ERC2: variants seen among roughly 807,000 people sequenced by gnomAD.
ERC2 encodes the protein ERC protein 2.
A neutral mutation model predicts 114.8 loss-of-function variants in ERC2; 42 were observed. The ratio of observed to expected loss-of-function variants is 0.37; its 90% CI spans 0.29 to 0.47. The LOEUF is 0.47. Ranked by LOEUF, ERC2 falls within the 20% of genes least tolerant of loss-of-function variation. The pLI is 0.99. For synonymous variants in ERC2, 454 were observed against 425.5 expected, an observed-to-expected ratio of 1.07 and a Z score of -0.82; for missense variants, 939 against 1,150.7, an observed-to-expected ratio of 0.82 and a Z score of 2.66.
At chr3:56,241,790 A>T (rs9846926) in intron 3 of ERC2, among the ~76,000 whole-genome samples, 39 of 152,332 alleles carry the variant, frequency 2.6e-4, no homozygotes, top group African/African-American at 9.4e-4. Flanking sequence ...GCAAACACAT[A>T]TCCACATACA....
intron 17 of ERC2, among the ~76,000 whole-genome samples, chr3:55,635,922 AG>A (rs1375030023): frequency 1.3e-5 from 2 of 151,462 alleles, no homozygotes; most frequent in Non-Finnish European, 2.9e-5. Flanking sequence ...TCTGTCTCCT[AG>A]GCTGGAGTAC....
chr3:56,045,299 C>T (rs963457182), intron 7 of ERC2, among the ~76,000 whole-genome samples: 7 of 152,056 alleles, frequency 4.6e-5, no homozygotes, highest in Non-Finnish European at 8.8e-5. Context: ...TAAACAGAAC[C>T]GTAACACTTC....
chr3:55,786,632 A>G (rs1375891128), intron 14 of ERC2, among the ~76,000 whole-genome samples: 8 of 152,240 alleles, frequency 5.3e-5, no homozygotes, highest in Non-Finnish European at 1.2e-4. Context: ...CCCATTTAAC[A>G]GATGAATAAA....
intron 2 of ERC2, among the ~76,000 whole-genome samples, chr3:56,357,068 C>T (rs1464878189): frequency 3.3e-5 from 5 of 152,232 alleles, no homozygotes; most frequent in African/African-American, 1.2e-4. Context: ...ACATTCTCTA[C>T]TGCAACCTCT....
chr3:55,992,226 T>C lies in ERC2; in HGVS notation c.2086A>G (p.Arg696Gly), dbSNP rs374080648. The change falls in exon 11 of 18, where the codon AGG becomes GGG. Residue 696 changes from arginine (R) to glycine (G), a missense_variant. Physicochemically the swap from Arg to Gly is moderately radical, Grantham distance 125. Around this residue, in one of 5 missense-constraint regions of ERC2, gnomAD observed 328 missense variants for 353.9 expected, o/e 0.93. Transcript: ENST00000288221. The stretch of plus-strand genomic sequence containing the variant: ...TGGTCTGCAAACTCAGGGTTCATCC[T>C]GGAGTCATCTTCAATATTATGTGCC... ...KKAHNIEDDSRMNPEFADQIK... is the reference protein window; with the variant it reads ...KKAHNIEDDSGMNPEFADQIK... The C allele has an allele frequency of 1.9e-6, 3 of 1,613,464 alleles. No individual in the cohort carries two copies. The highest frequency in any genetic ancestry group is 2.7e-5 in the African/African-American group (2 of 74,896).
intron 3 of ERC2, among the ~76,000 whole-genome samples, chr3:56,241,634 T>C (rs956192077): frequency 2.0e-5 from 3 of 152,192 alleles, no homozygotes; most frequent in East Asian, 1.9e-4. Context: ...TCATAGATCA[T>C]AGAGCTATAC....
intron 7 of ERC2, among the ~76,000 whole-genome samples, chr3:56,034,418 C>T (rs969653463): frequency 1.3e-5 from 2 of 151,976 alleles, no homozygotes; most frequent in Non-Finnish European, 2.9e-5. Flanking sequence ...TAAATAATGA[C>T]TAGGTCATCT....
chr3:55,830,389 C>G (rs2060516150), intron 14 of ERC2, among the ~76,000 whole-genome samples: 1 of 152,202 alleles, frequency 6.6e-6, no homozygotes, highest in Admixed American at 6.5e-5. Flanking sequence ...TCAACAGCAA[C>G]TGCAAATATC....
intron 6 of ERC2, among the ~76,000 whole-genome samples, chr3:56,135,569 A>G (rs1418833156): frequency 4.6e-5 from 7 of 152,222 alleles, no homozygotes. Context: ...GACTATAATC[A>G]AAGCACTTTT....
chr3:55,997,651 C>T (rs890428677), intron 10 of ERC2, among the ~76,000 whole-genome samples: 1 of 149,574 alleles, frequency 6.7e-6, no homozygotes, highest in Non-Finnish European at 1.5e-5. Context: ...CTGAAGATAA[C>T]CTGCATAGTG....
chr3:55,711,604 T>C (rs950424575), intron 15 of ERC2, among the ~76,000 whole-genome samples: 9 of 152,370 alleles, frequency 5.9e-5, no homozygotes, highest in Admixed American at 5.9e-4. Flanking sequence ...AGGGAAGATA[T>C]CTTTTTTTCA....
At chr3:55,871,597 A>G (rs1314730502) in intron 14 of ERC2, among the ~76,000 whole-genome samples, 1 of 152,220 alleles carries the variant, frequency 6.6e-6, no homozygotes, top group African/African-American at 2.4e-5. Flanking sequence ...AGAAGTTGAA[A>G]AGAGACAGGA....
intron 17 of ERC2, among the ~76,000 whole-genome samples, chr3:55,596,705 A>T (rs2058154761): frequency 6.6e-6 from 1 of 152,240 alleles, no homozygotes; most frequent in African/African-American, 2.4e-5. Context: ...TGCACACAGG[A>T]ACAGAAATGT....
At chr3:55,743,134 A>C (rs1039220816) in intron 14 of ERC2, among the ~76,000 whole-genome samples, 8 of 152,148 alleles carry the variant, frequency 5.3e-5, no homozygotes, top group African/African-American at 1.9e-4. Context: ...TTTGAAACCT[A>C]ATAGCACATG....
chr3:56,178,032 A>G (rs2083075538), intron 3 of ERC2, among the ~76,000 whole-genome samples: 1 of 152,208 alleles, frequency 6.6e-6, no homozygotes, highest in Non-Finnish European at 1.5e-5. Flanking sequence ...CTAGTGCAAA[A>G]TTGCTAGCTC....
intron 15 of ERC2, among the ~76,000 whole-genome samples, chr3:55,711,977 G>C (rs963212589): frequency 6.6e-6 from 1 of 152,164 alleles, no homozygotes; most frequent in Non-Finnish European, 1.5e-5. Flanking sequence ...TCTATGCTGT[G>C]CTAACATGGA....
chr3:56,249,474 C>T (rs767155959), intron 3 of ERC2, among the ~76,000 whole-genome samples: 75 of 152,058 alleles, frequency 4.9e-4, no homozygotes, highest in Non-Finnish European at 7.8e-4. Context: ...TACAGGCGCC[C>T]GCCACCACGC....
chr3:56,373,140 A>G (rs1370537472), intron 2 of ERC2, among the ~76,000 whole-genome samples: 1 of 152,232 alleles, frequency 6.6e-6, no homozygotes, highest in Non-Finnish European at 1.5e-5. Flanking sequence ...TGAGATAACC[A>G]CTAATTTCAT....
intron 14 of ERC2, among the ~76,000 whole-genome samples, chr3:55,739,415 G>A (rs866525572): frequency 1.2e-4 from 19 of 152,246 alleles, no homozygotes; most frequent in African/African-American, 4.3e-4. Context: ...ATCCTCTCCA[G>A]CATCTGTTGT....
Sources: gnomAD v4.1 joint callset for allele counts (sites outside exome capture counted in the v4.1 genomes callset) on GRCh38, gnomAD v4.1.1 for gene constraint, gnomAD v4.1.1 regional missense constraint, MANE v1.5 for transcripts, NCBI Gene and HGNC (gene_info 2026-07-23, HGNC 2026-07-21) for gene names.